Variants in GTF2IRD1 observed in about 807,000 individuals in gnomAD.
GTF2IRD1 encodes general transcription factor II-I repeat domain-containing protein 1.
Under a neutral mutation model 113.2 loss-of-function variants are expected in GTF2IRD1, and 26 were observed. The ratio of observed to expected loss-of-function variants is 0.23; its 90% CI spans 0.17 to 0.32. GTF2IRD1 has a LOEUF of 0.32. Ranked by LOEUF, GTF2IRD1 falls within the 10% of genes least tolerant of loss-of-function variation. The pLI is 1.00. For missense variants in GTF2IRD1, 864 were observed against 1,280.8 expected (o/e 0.67, Z 4.97); for synonymous variants, 484 against 529.1 (o/e 0.91, Z 1.17).
intron 1 of GTF2IRD1, among the ~76,000 whole-genome samples, chr7:74,478,242 C>A (rs1794537988): frequency 6.6e-6 from 1 of 152,180 alleles, no homozygotes; most frequent in African/African-American, 2.4e-5. Flanking sequence ...AACACGGGAC[C>A]TGATGTCAGG....
chr7:74,510,475 T>G (rs542804460), intron 2 of GTF2IRD1, among the ~76,000 whole-genome samples: 1 of 151,370 alleles, frequency 6.6e-6, no homozygotes, highest in Non-Finnish European at 1.5e-5. Flanking sequence ...CCTGGCTAAT[T>G]TTTTTGTATT....
intron 1 of GTF2IRD1, among the ~76,000 whole-genome samples, chr7:74,473,581 C>T (rs936517030): frequency 3.9e-5 from 6 of 152,122 alleles, no homozygotes; most frequent in Non-Finnish European, 2.9e-5. Flanking sequence ...TGAGCCACTG[C>T]GCACGGCTTT....
intron 1 of GTF2IRD1, among the ~76,000 whole-genome samples, chr7:74,468,807 G>A (rs920450802): frequency 9.2e-5 from 14 of 151,840 alleles, no homozygotes; most frequent in African/African-American, 2.7e-4. Context: ...TGGAAGGGCC[G>A]GGCGCGGTGG....
chr7:74,583,123 A>G (rs1294363732), intron 22 of GTF2IRD1, among the ~76,000 whole-genome samples: 8 of 152,162 alleles, frequency 5.3e-5, no homozygotes, highest in Non-Finnish European at 1.0e-4. Flanking sequence ...CAGACAAGGT[A>G]TATTGTGGGC....
intron 1 of GTF2IRD1, among the ~76,000 whole-genome samples, chr7:74,503,485 C>G (rs559053511): frequency 1.3e-5 from 2 of 151,914 alleles, no homozygotes; most frequent in Non-Finnish European, 2.9e-5. Context: ...GCTTTTAGGC[C>G]GGGCTGTAAT....
At chr7:74,544,911 T>C in intron 15 of GTF2IRD1, 109 bp downstream of exon 15, 1 of 806,026 alleles carries the variant, frequency 1.2e-6, no homozygotes, top group Non-Finnish European at 2.1e-6. Context: ...CTCCACCTCA[T>C]CTCTCTCCAG....
chr7:74,567,238 G>A (rs1800376584), intron 22 of GTF2IRD1, among the ~76,000 whole-genome samples: 1 of 151,956 alleles, frequency 6.6e-6, no homozygotes, highest in Non-Finnish European at 1.5e-5. Flanking sequence ...TGAGGCAGGA[G>A]AATCGCTTGA....
intron 17 of GTF2IRD1, among the ~76,000 whole-genome samples, chr7:74,552,148 G>A (rs1167909369): frequency 6.6e-6 from 1 of 152,148 alleles, no homozygotes; most frequent in Admixed American, 6.6e-5. Flanking sequence ...ATTTTGGGAG[G>A]CTGAGGCAGG....
chr7:74,567,069 C>T (rs1477919281), intron 22 of GTF2IRD1, among the ~76,000 whole-genome samples: 2 of 152,174 alleles, frequency 1.3e-5, no homozygotes, highest in African/African-American at 2.4e-5. Flanking sequence ...GTGGCTCACG[C>T]CTGTAATCCT....
chr7:74,539,456 A>T (rs1406050439), intron 13 of GTF2IRD1, among the ~76,000 whole-genome samples: 1 of 152,044 alleles, frequency 6.6e-6, no homozygotes, highest in Non-Finnish European at 1.5e-5. Flanking sequence ...TCAAAAAAAA[A>T]GAAATGACTG....
intron 9 of GTF2IRD1, among the ~76,000 whole-genome samples, chr7:74,533,220 C>T (rs1439261475): frequency 6.6e-6 from 1 of 151,462 alleles, no homozygotes; most frequent in Non-Finnish European, 1.5e-5. Flanking sequence ...CTGAAACCTC[C>T]GCCTCTCAGG....
Position 74,555,563 on chromosome 7 carries a change from G to T in GTF2IRD1, c.2023+69G>T. 9.6e-7 allele frequency: 1 copy of T among 1,040,864 alleles called. No individual in the cohort carries two copies. The allele number at this position is 1,040,864 out of a possible 1,614,324, so 64.5% of individuals were successfully genotyped here. On this transcript the variant is annotated intron_variant, in intron 19 of 26. Coordinates refer to ENST00000424337, the MANE Select transcript of GTF2IRD1 (RefSeq NM_005685.4). The surrounding 1 kb of genome is among the most constrained non-coding windows in gnomAD (Gnocchi z 5.3). ...ACATTGACCTGGTTTGGGTTTGGAG[G>T]GCCAGGCTGGAAGTGGGGAGGAGCT...
chr7:74,534,227 GC>G (rs1347924119), intron 9 of GTF2IRD1, among the ~76,000 whole-genome samples: 1 of 152,156 alleles, frequency 6.6e-6, no homozygotes, highest in African/African-American at 2.4e-5. Context: ...GCCAGAAGAG[GC>G]CCCCAGGGAG....
At chr7:74,462,623 G>A (rs1014152618) in intron 1 of GTF2IRD1, among the ~76,000 whole-genome samples, 3 of 152,094 alleles carry the variant, frequency 2.0e-5, no homozygotes, top group Admixed American at 6.6e-5. Context: ...GCATCAGCTC[G>A]GGACCCCCCA....
intron 22 of GTF2IRD1, among the ~76,000 whole-genome samples, chr7:74,583,905 GC>G (rs377213277): frequency 2.8e-4 from 43 of 152,202 alleles, no homozygotes; most frequent in East Asian, 9.7e-4. Context: ...GTGCAGATGA[GC>G]CCACATCCTT....
intron 1 of GTF2IRD1, among the ~76,000 whole-genome samples, chr7:74,480,705 G>A (rs936215608): frequency 1.3e-5 from 2 of 152,220 alleles, no homozygotes; most frequent in Non-Finnish European, 2.9e-5. Flanking sequence ...CCTCCTGGTA[G>A]AGCAGGCATG....
At chr7:74,492,714 A>T (rs1795436012) in intron 1 of GTF2IRD1, among the ~76,000 whole-genome samples, 1 of 151,508 alleles carries the variant, frequency 6.6e-6, no homozygotes. Flanking sequence ...GTCCAAAATC[A>T]TTACCACTGG....
intron 1 of GTF2IRD1, among the ~76,000 whole-genome samples, chr7:74,461,296 C>T (rs543119051): frequency 6.6e-6 from 1 of 152,268 alleles, no homozygotes; most frequent in East Asian, 1.9e-4. Flanking sequence ...GCCCTTTCCC[C>T]TCCTGTTCCC....
At chr7:74,578,107 C>T (rs587628986) in intron 22 of GTF2IRD1, among the ~76,000 whole-genome samples, 4 of 152,100 alleles carry the variant, frequency 2.6e-5, no homozygotes, top group East Asian at 3.9e-4. Flanking sequence ...GCCAGGCTCA[C>T]GGGTTAATTT....
Sources: gnomAD v4.1 joint callset for allele counts (sites outside exome capture counted in the v4.1 genomes callset) on GRCh38, gnomAD v4.1.1 for gene constraint, Gnocchi (gnomAD v3.1) non-coding constraint, MANE v1.5 for transcripts, NCBI Gene and HGNC (gene_info 2026-07-23, HGNC 2026-07-21) for gene names.